The following GBE1 variants were observed in gnomAD, a reference collection of about 807,000 sequenced individuals.
The protein encoded by GBE1 is 1,4-alpha-glucan branching enzyme 1, also known as 1,4-alpha-glucan-branching enzyme.
Under a neutral mutation model 88.8 loss-of-function variants are expected in GBE1, and 70 were observed. The ratio of observed to expected loss-of-function variants is 0.79; its 90% CI spans 0.65 to 0.96. GBE1 has a LOEUF of 0.96. GBE1 is among the 40% of genes least tolerant of loss of function. The pLI is 0.00. For missense variants in GBE1, 872 were observed against 871.0 expected, an observed-to-expected ratio of 1.00 and a Z score of -0.01; for synonymous variants, 284 against 300.1, an observed-to-expected ratio of 0.95 and a Z score of 0.56.
intron 14 of GBE1, among the ~76,000 whole-genome samples, chr3:81,500,231 T>C (rs1404206376): frequency 6.6e-6 from 1 of 152,118 alleles, no homozygotes; most frequent in South Asian, 2.1e-4. Flanking sequence ...CTGAAACTGA[T>C]AATCAGAATA....
intron 12 of GBE1, among the ~76,000 whole-genome samples, chr3:81,539,236 T>C (rs571258711): frequency 5.3e-5 from 8 of 152,056 alleles, no homozygotes; most frequent in South Asian, 2.1e-4. Context: ...GTAAATTCTA[T>C]GGAAATACAG....
chr3:81,614,811 A>C (rs1459545828), intron 7 of GBE1, among the ~76,000 whole-genome samples: 1 of 152,150 alleles, frequency 6.6e-6, no homozygotes, highest in Non-Finnish European at 1.5e-5. Flanking sequence ...GTGAGCCAAG[A>C]GATCATGCCA....
At chr3:81,534,433 G>T (rs572559680) in intron 14 of GBE1, among the ~76,000 whole-genome samples, 2 of 152,028 alleles carry the variant, frequency 1.3e-5, no homozygotes, top group East Asian at 1.9e-4. Context: ...TATCTATAAG[G>T]TGTTCAGTAA....
At chr3:81,596,320 G>A (rs534504887) in intron 7 of GBE1, among the ~76,000 whole-genome samples, 1 of 151,684 alleles carries the variant, frequency 6.6e-6, no homozygotes, top group Non-Finnish European at 1.5e-5. Flanking sequence ...AAGTTTTAGG[G>A]TACATGTGCA....
At position 81,741,773 on chromosome 3, in the gene GBE1, CACTCTACATAATATATAGAGTATTAT is replaced by C. The variant is rs1223316235; in HGVS notation, c.143+19576_143+19601del. Among the ~76,000 whole-genome samples, 4 of 148,444 alleles carry C rather than the reference CACTCTACATAATATATAGAGTATTAT, an allele frequency of 2.7e-5. No homozygotes were observed. The Admixed American group carries it at 2.7e-4, about 10-fold the overall frequency. ...GTATAATACTCTATATAATATATAA[CACTCTACATAATATATAGAGTATTAT>C]ACTCTACATAATATAGAGTATTATA... On this transcript the variant is annotated intron_variant, in intron 1 of 15. Transcript: ENST00000429644.
intron 6 of GBE1, among the ~76,000 whole-genome samples, chr3:81,644,289 G>A (rs1017616311): frequency 1.3e-5 from 2 of 152,126 alleles, no homozygotes; most frequent in South Asian, 2.1e-4. Flanking sequence ...AGCCACTGGT[G>A]GGGAGGGAAG....
chr3:81,610,229 C>T (rs992574248), intron 7 of GBE1, among the ~76,000 whole-genome samples: 1 of 152,208 alleles, frequency 6.6e-6, no homozygotes, highest in Admixed American at 6.5e-5. Context: ...TCCCTATCAT[C>T]ATCCAAGGAT....
At chr3:81,579,509 CTTAT>C (rs1226265144) in intron 11 of GBE1, among the ~76,000 whole-genome samples, 8 of 152,020 alleles carry the variant, frequency 5.3e-5, no homozygotes, top group African/African-American at 1.9e-4. Context: ...GTTCATGCCA[CTTAT>C]TTGTTTACTC....
rs11293813 is a variant in GBE1, at chr3:81,642,507, T to TA, written c.992+273dup. The TA allele has an allele frequency of 3.8e-3, 1,018 of 269,684 alleles. 2 individuals carry two copies. Among genetic ancestry groups the TA allele is most frequent in the African/African-American group, 0.019 (833 of 43,986 alleles). The allele number at this position is 269,684 out of a possible 1,614,324, so 16.7% of individuals were successfully genotyped here. On this transcript the variant is annotated intron_variant, in intron 7 of 15. Coordinates refer to ENST00000429644, the MANE Select transcript of GBE1 (RefSeq NM_000158.4). ...ATTGATAAAGTGGCCTTTTAGATATTAAAAAAAAATGATTCACAGTAAAAT... is the reference window on the plus strand; with the variant it reads ...ATTGATAAAGTGGCCTTTTAGATATTAAAAAAAAAATGATTCACAGTAAAAT...
At chr3:81,696,617 C>T (rs577290039) in intron 2 of GBE1, among the ~76,000 whole-genome samples, 8 of 151,968 alleles carry the variant, frequency 5.3e-5, no homozygotes, top group Non-Finnish European at 7.4e-5. Flanking sequence ...AAGTAAATGG[C>T]GAGCTTAACA....
rs373789574 is a variant in GBE1 at position 81,742,944 on chromosome 3, G to A, written c.143+18431C>T. Reference sequence around the variant, plus strand: ...CTGTTTCTAGGGACCCTCCAACAACGACAGTAATAAATATTTCTAGATTCC... The same window carrying A: ...CTGTTTCTAGGGACCCTCCAACAACAACAGTAATAAATATTTCTAGATTCC... On this transcript the variant is annotated intron_variant, in intron 1 of 15. Transcript: ENST00000429644. Among the ~76,000 whole-genome samples the A allele has an allele frequency of 2.5e-4, 38 of 152,128 alleles. No homozygotes were observed. The East Asian group carries it at 4.6e-3, about 19-fold the overall frequency.
chr3:81,703,028 A>T (rs1442241108), intron 2 of GBE1, among the ~76,000 whole-genome samples: 1 of 151,986 alleles, frequency 6.6e-6, no homozygotes, highest in Non-Finnish European at 1.5e-5. Flanking sequence ...CAACTATCAG[A>T]TATTAATGGT....
chr3:81,638,481 G>T (rs959624867), intron 7 of GBE1, among the ~76,000 whole-genome samples: 2 of 152,120 alleles, frequency 1.3e-5, no homozygotes, highest in African/African-American at 2.4e-5. Flanking sequence ...TTTATGTAGT[G>T]CCAGAGGAAT....
intron 7 of GBE1, among the ~76,000 whole-genome samples, chr3:81,599,295 GTACA>G (rs1704000297): frequency 6.6e-6 from 1 of 152,064 alleles, no homozygotes; most frequent in African/African-American, 2.4e-5. Flanking sequence ...GTGAGTGTAT[GTACA>G]TAAAGTGTGT....
intron 12 of GBE1, among the ~76,000 whole-genome samples, chr3:81,573,046 T>C (rs973051588): frequency 5.3e-5 from 8 of 152,204 alleles, no homozygotes; most frequent in African/African-American, 1.7e-4. Context: ...TTTTTTATTT[T>C]ATATTTATTT....
At chr3:81,518,756 G>A (rs7638019) in intron 14 of GBE1, among the ~76,000 whole-genome samples, 2,119 of 151,574 alleles carry the variant, frequency 0.014, 37 homozygotes, top group Middle Eastern at 0.034. Context: ...TAAAAAAGGA[G>A]GACCTATATT....
At chr3:81,712,710 A>G (rs1705886541) in intron 1 of GBE1, among the ~76,000 whole-genome samples, 1 of 152,160 alleles carries the variant, frequency 6.6e-6, no homozygotes, top group Non-Finnish European at 1.5e-5. Flanking sequence ...TGACGAGTTA[A>G]TGGGTGCAGC....
chr3:81,678,279 T>G (rs2107125733), intron 2 of GBE1, among the ~76,000 whole-genome samples: 1 of 152,282 alleles, frequency 6.6e-6, no homozygotes, highest in East Asian at 1.9e-4. Context: ...AAGTAAAGTA[T>G]TATAATCCTA....
At chr3:81,497,989 C>A (rs1232194473) in intron 15 of GBE1, among the ~76,000 whole-genome samples, 2 of 152,034 alleles carry the variant, frequency 1.3e-5, no homozygotes, top group East Asian at 1.9e-4. Context: ...AAATATATAT[C>A]TTTCTCCAAA....
Sources: allele counts gnomAD v4.1 joint callset (sites outside exome capture counted in the v4.1 genomes callset), GRCh38; gene constraint gnomAD v4.1.1; transcripts MANE v1.5; gene names NCBI Gene and HGNC (gene_info 2026-07-23, HGNC 2026-07-21).